ACER2: variants seen among roughly 807,000 people sequenced by gnomAD.
The protein encoded by ACER2 is alkaline ceramidase 2, also known as alkCDase 2.
ACER2 carries 26 observed loss-of-function variants against 34.7 expected under a neutral mutation model. The ratio of observed to expected loss-of-function variants is 0.75; its 90% CI spans 0.55 to 1.04. The LOEUF (loss-of-function observed/expected upper bound fraction) is 1.04, where lower values mean the gene tolerates loss of function less well. Ranked by LOEUF, ACER2 falls within the 50% of genes least tolerant of loss-of-function variation. The probability of loss-of-function intolerance (pLI) is 0.00; values close to 1 mark genes in which losing one functional copy is unlikely to be tolerated. For missense variants in ACER2, 352 were observed against 340.8 expected (o/e 1.03, Z -0.26); for synonymous variants, 138 against 132.1 (o/e 1.04, Z -0.31).
intron 1 of ACER2, 104 bp from the exon 2 acceptor site, chr9:19,423,758 C>A: frequency 1.2e-6 from 1 of 832,388 alleles, no homozygotes; most frequent in Non-Finnish European, 2.1e-6. Context: ...AGATGTGTGA[C>A]CACATTTATC....
chr9:19,439,569 A>G (rs780736799), intron 4 of ACER2, among the ~76,000 whole-genome samples: 1 of 152,124 alleles, frequency 6.6e-6, no homozygotes, highest in Non-Finnish European at 1.5e-5. Context: ...GCCTGTAAAC[A>G]CATCTGAGTC....
At chr9:19,427,321 C>G (rs1194342329) in intron 3 of ACER2, among the ~76,000 whole-genome samples, 1 of 152,084 alleles carries the variant, frequency 6.6e-6, no homozygotes, top group East Asian at 1.9e-4. Flanking sequence ...TGTACATTGA[C>G]AATTTTAATG....
chr9:19,430,877 G>C (rs1412053367), intron 3 of ACER2, among the ~76,000 whole-genome samples: 3 of 152,052 alleles, frequency 2.0e-5, no homozygotes, highest in Non-Finnish European at 2.9e-5. Context: ...AGAATCGCTT[G>C]AACCCAGGAG....
At position 19,424,716 on chromosome 9, in the gene ACER2, C is replaced by T; in HGVS notation, c.240C>T (p.Tyr80=). 3.1e-6 allele frequency: 5 copies of T among 1,613,892 alleles called. No homozygotes were observed. Among genetic ancestry groups the T allele is most frequent in the South Asian group, 2.2e-5 (2 of 91,070 alleles). ...LLVVVGIGSV[Y]FHATLSFLGQ... ...TGATTCTAGGAATTGGATCCGTCTA[C>T]TTCCATGCAACCCTTAGTTTCTTGG... The change falls in exon 3 of 6, where the codon TAC becomes TAT. Residue 80 remains tyrosine, a synonymous_variant. Transcript: ENST00000340967.
intron 5 of ACER2, among the ~76,000 whole-genome samples, chr9:19,447,680 C>T (rs1831413787): frequency 6.6e-6 from 1 of 152,140 alleles, no homozygotes; most frequent in African/African-American, 2.4e-5. Flanking sequence ...TCCCCTGTCA[C>T]ACATGATTTA....
At chr9:19,412,882 T>C (rs1830127850) in intron 1 of ACER2, among the ~76,000 whole-genome samples, 1 of 152,210 alleles carries the variant, frequency 6.6e-6, no homozygotes, top group South Asian at 2.1e-4. Context: ...TCAATCCTTA[T>C]TGATGGACAT....
rs201224918 is a variant in ACER2 at position 19,424,712 on chromosome 9, T to C, written c.236T>C (p.Val79Ala). 6.2e-7 allele frequency: 1 copy of C among 1,613,670 alleles called. No homozygotes were observed. Among genetic ancestry groups the C allele is most frequent in the African/African-American group, 1.3e-5 (1 of 74,924 alleles). ...TAATTGATTCTAGGAATTGGATCCG[T>C]CTACTTCCATGCAACCCTTAGTTTC... ...TLLVVVGIGS[V>A]YFHATLSFLG... Residue 79 changes from valine to alanine, a missense_variant, in exon 3 of 6, where the codon GTC becomes GCC. Transcript: ENST00000340967.
chr9:19,442,692 G>A (rs1489489120), intron 4 of ACER2, among the ~76,000 whole-genome samples: 1 of 152,238 alleles, frequency 6.6e-6, no homozygotes, highest in Non-Finnish European at 1.5e-5. Context: ...GATGTTCATA[G>A]ATCCTCGTGT....
intron 1 of ACER2, among the ~76,000 whole-genome samples, chr9:19,420,552 T>C (rs1830372777): frequency 6.6e-6 from 1 of 152,180 alleles, no homozygotes; most frequent in Non-Finnish European, 1.5e-5. Context: ...ATGTGAGAAA[T>C]TGGAACACTG....
chr9:19,442,747 A>G (rs1831197980), intron 4 of ACER2, among the ~76,000 whole-genome samples: 1 of 151,120 alleles, frequency 6.6e-6, no homozygotes, highest in African/African-American at 2.4e-5. Context: ...GTTCTTGCCT[A>G]TTTTCATTTT....
chr9:19,444,491 T>A (rs1563891556), intron 4 of ACER2, among the ~76,000 whole-genome samples: 1 of 152,116 alleles, frequency 6.6e-6, no homozygotes, highest in African/African-American at 2.4e-5. Context: ...AATTACAGGC[T>A]TGAGCCACCG....
At chr9:19,431,093 C>T (rs946756013) in intron 3 of ACER2, among the ~76,000 whole-genome samples, 1 of 152,046 alleles carries the variant, frequency 6.6e-6, no homozygotes, top group African/African-American at 2.4e-5. Context: ...AACAGCAGCT[C>T]AGTTACGTTT....
intron 4 of ACER2, among the ~76,000 whole-genome samples, chr9:19,439,902 G>A (rs958215006): frequency 2.0e-5 from 3 of 152,168 alleles, no homozygotes; most frequent in African/African-American, 4.8e-5. Flanking sequence ...AGGAGGCGGA[G>A]GTTGTGGTGC....
rs113779463 is a variant in ACER2, at chr9:19,435,218, G to C, written c.503+134G>C. ...AGAGTTAGTTGCTGACTGTTGGATG[G>C]AAGCAATTTGATGGTTTGGTTCAAA... On this transcript the variant is annotated intron_variant, in intron 4 of 5. Coordinates refer to ENST00000340967, the MANE Select transcript of ACER2 (RefSeq NM_001010887.3). 36 of 1,157,360 alleles carry C rather than the reference G, an allele frequency of 3.1e-5. No homozygotes were observed. In the African/African-American group the frequency reaches 4.1e-4, roughly 13 times the overall value. 71.7% of individuals were successfully genotyped at this position (1,157,360 alleles called of 1,614,324 possible). A position where few individuals can be genotyped will look rare whatever the true frequency, so the allele number is the denominator to read the frequency against.
chr9:19,440,597 C>G lies in ACER2; in HGVS notation c.503+5513C>G, dbSNP rs139170915. ...CTGCTGGCACCTTGATCTCAGACTT[C>G]CCAGCCTCTAGAACTATGAGAAACA... On this transcript the variant is annotated intron_variant, in intron 4 of 5. Coordinates refer to ENST00000340967, the MANE Select transcript of ACER2 (RefSeq NM_001010887.3). 1.6e-4 allele frequency among the ~76,000 whole-genome samples: 24 copies of G among 152,320 alleles called. No homozygotes were observed. In the East Asian group the frequency reaches 3.5e-3, roughly 22 times the overall value.
chr9:19,422,612 A>C (rs10811180), intron 1 of ACER2, among the ~76,000 whole-genome samples: 25,700 of 152,100 alleles, frequency 0.17, 2,263 homozygotes, highest in South Asian at 0.25. Context: ...TTGTGTAGGC[A>C]CAGGGGAAAA....
chr9:19,424,025 G>A (rs750587260), intron 2 of ACER2, 49 bp downstream of exon 2: 3 of 1,388,118 alleles, frequency 2.2e-6, no homozygotes, highest in Non-Finnish European at 1.0e-6. Context: ...GGTGGGATGG[G>A]GGTAGAAGGA....
chr9:19,427,291 A>G (rs1042723072), intron 3 of ACER2, among the ~76,000 whole-genome samples: 6 of 152,248 alleles, frequency 3.9e-5, no homozygotes, highest in Admixed American at 2.6e-4. Context: ...TGAGATATGC[A>G]TACAAATCGA....
intron 3 of ACER2, among the ~76,000 whole-genome samples, chr9:19,431,944 C>G (rs1017993557): frequency 2.0e-5 from 3 of 152,298 alleles, no homozygotes; most frequent in East Asian, 1.9e-4. Context: ...GTAAATTGTG[C>G]TAATGAGGAA....
Sources: allele counts gnomAD v4.1 joint callset (sites outside exome capture counted in the v4.1 genomes callset), GRCh38; gene constraint gnomAD v4.1.1; transcripts MANE v1.5; gene names NCBI Gene and HGNC (gene_info 2026-07-23, HGNC 2026-07-21).